TMEM230: variants seen among roughly 807,000 people sequenced by gnomAD.
The protein encoded by TMEM230 is transmembrane protein 230.
In TMEM230, 10 loss-of-function variants were observed where a neutral mutation model predicts 15.8. The observed-to-expected ratio is 0.63, with a 90% CI of 0.39 to 1.07. The LOEUF is 1.07. Ranked by LOEUF, TMEM230 falls within the 50% of genes least tolerant of loss-of-function variation. TMEM230 has a pLI of 0.01. For missense variants in TMEM230, 165 were observed against 193.3 expected, an observed-to-expected ratio of 0.85 and a Z score of 0.87; for synonymous variants, 67 against 76.9, an observed-to-expected ratio of 0.87 and a Z score of 0.68.
At chr20:5,072,170 C>T (rs1418947169) in intron 3 of TMEM230, among the ~76,000 whole-genome samples, 1 of 152,168 alleles carries the variant, frequency 6.6e-6, no homozygotes, top group African/African-American at 2.4e-5. Flanking sequence ...CCCACCTCAG[C>T]CGGCTGAGTA....
chr20:5,098,665 C>A (rs2089737469), downstream of TMEM230, among the ~76,000 whole-genome samples: 1 of 152,102 alleles, frequency 6.6e-6, no homozygotes, highest in Admixed American at 6.6e-5. Context: ...GAGATTCCTA[C>A]CCCAGGTAGG....
chr20:5,108,287 C>T (rs541523137), intron 3 of TMEM230, among the ~76,000 whole-genome samples: 19 of 151,926 alleles, frequency 1.3e-4, no homozygotes, highest in African/African-American at 4.1e-4. Context: ...GGCGTGGTGG[C>T]GCATGCCCGT....
chr20:5,080,517 T>A (rs1047166946), intron 3 of TMEM230, among the ~76,000 whole-genome samples: 3 of 152,068 alleles, frequency 2.0e-5, no homozygotes, highest in Non-Finnish European at 2.9e-5. Flanking sequence ...CACAGCAGAA[T>A]GTAGAAAAAG....
rs2090388954 is a variant in TMEM230, at chr20:5,112,968, C to T, written c.61G>A (p.Ala21Thr). ...GCCGCACACACGCCTTACCGGAGCGCCGCGCCAGGCCGCCCGCACACCCAG... is the reference window on the plus strand; with the variant it reads ...GCCGCACACACGCCTTACCGGAGCGTCGCGCCAGGCCGCCCGCACACCCAG... The change falls in exon 1 of 5, where the codon GCG becomes ACG. Residue 21 changes from alanine (A) to threonine (T), a missense_variant. Ala to Thr is a moderately conservative substitution (Grantham distance 58). Coordinates refer to ENST00000342308, the MANE Select transcript of TMEM230 (RefSeq NM_001009923.2). 1.9e-6 allele frequency: 3 copies of T among 1,550,308 alleles called. No individual in the cohort carries two copies. The highest frequency in any genetic ancestry group is 2.6e-6 in the Non-Finnish European group (3 of 1,147,062).
intron 4 of TMEM230, among the ~76,000 whole-genome samples, chr20:5,104,486 T>C (rs901892479): frequency 6.6e-6 from 1 of 152,114 alleles, no homozygotes; most frequent in African/African-American, 2.4e-5. Context: ...CAGTATGAAA[T>C]AGAACTACCA....
intron 3 of TMEM230, among the ~76,000 whole-genome samples, chr20:5,082,259 G>A (rs1038510119): frequency 2.1e-5 from 3 of 142,356 alleles, no homozygotes; most frequent in Admixed American, 1.4e-4. Flanking sequence ...TCTCTTTTTC[G>A]AGACAGGGTC....
chr20:5,103,091 T>C (rs1317086550), intron 4 of TMEM230, among the ~76,000 whole-genome samples: 1 of 152,166 alleles, frequency 6.6e-6, no homozygotes, highest in East Asian at 1.9e-4. Context: ...CCACCGGGTG[T>C]GGTGGCTCAC....
At position 5,100,627 on chromosome 20, in the gene TMEM230, G is replaced by A; in HGVS notation, c.*164C>T. The A allele has an allele frequency of 7.0e-7, 1 of 1,427,962 alleles. No individual in the cohort carries two copies. The highest frequency in any genetic ancestry group is 9.1e-7 in the Non-Finnish European group (1 of 1,093,536). The allele number at this position is 1,427,962 out of a possible 1,614,324, so 88.5% of individuals were successfully genotyped here. ...TAGAGCTTGTCCTAATTAGCTAACT[G>A]TAGGTTCACTTAACATCTTTGGGAA... On this transcript the variant is annotated 3_prime_UTR_variant, in exon 5 of 5. Coordinates refer to ENST00000342308, the MANE Select transcript of TMEM230 (RefSeq NM_001009923.2).
intron 3 of TMEM230, among the ~76,000 whole-genome samples, chr20:5,092,898 G>A (rs1224571448): frequency 2.0e-5 from 3 of 152,116 alleles, no homozygotes; most frequent in South Asian, 2.1e-4. Flanking sequence ...TGACAAATTC[G>A]CAGTGAACAT....
downstream of TMEM230, among the ~76,000 whole-genome samples, chr20:5,099,166 G>C (rs896658664): frequency 2.0e-4 from 30 of 150,956 alleles, no homozygotes; most frequent in African/African-American, 7.3e-4. Flanking sequence ...ACTCCAGCCT[G>C]GGCAGTAGAG....
intron 3 of TMEM230, among the ~76,000 whole-genome samples, chr20:5,108,737 A>C (rs1356853098): frequency 6.6e-6 from 1 of 152,204 alleles, no homozygotes; most frequent in East Asian, 1.9e-4. Context: ...TGTAAGGGGA[A>C]GTGTGCAAAA....
downstream of TMEM230, among the ~76,000 whole-genome samples, chr20:5,066,987 C>T (rs891135971): frequency 4.6e-5 from 7 of 152,022 alleles, no homozygotes; most frequent in Non-Finnish European, 8.8e-5. Context: ...CTTGGGTTTA[C>T]GTAAAAGTAG....
At chr20:5,092,900 A>G (rs930448374) in intron 3 of TMEM230, among the ~76,000 whole-genome samples, 7 of 152,214 alleles carry the variant, frequency 4.6e-5, no homozygotes, top group African/African-American at 1.7e-4. Context: ...ACAAATTCGC[A>G]GTGAACATAC....
At chr20:5,096,874 T>C (rs1204750292), downstream of TMEM230, among the ~76,000 whole-genome samples, 1 of 152,136 alleles carries the variant, frequency 6.6e-6, no homozygotes, top group Non-Finnish European at 1.5e-5. Flanking sequence ...CTAGGCTTTG[T>C]GGGAGGGTTT....
chr20:5,069,598 G>A (rs112858911), intron 3 of TMEM230, among the ~76,000 whole-genome samples: 5,085 of 152,162 alleles, frequency 0.033, 239 homozygotes, highest in African/African-American at 0.11. Context: ...TTCCCTCCCC[G>A]TAGATGAATG....
At chr20:5,094,704 C>CAAAAAAAAAAAAAAAAA (rs774664710) in intron 3 of TMEM230, among the ~76,000 whole-genome samples, 1 of 61,618 alleles carries the variant, frequency 1.6e-5, no homozygotes, top group African/African-American at 7.0e-5. Flanking sequence ...GACTCCATCT[C>CAAAAAAAAAAAAAAAAA]AAAAAAAAAA....
downstream of TMEM230, among the ~76,000 whole-genome samples, chr20:5,063,277 A>ATTTTTTTTT (rs1165126313): frequency 3.8e-4 from 33 of 86,410 alleles, 3 homozygotes; most frequent in East Asian, 8.7e-4. Context: ...GCTGCTATGA[A>ATTTTTTTTT]TTTTTTTTTT....
intron 3 of TMEM230, among the ~76,000 whole-genome samples, chr20:5,083,689 T>C (rs1288953743): frequency 6.6e-6 from 1 of 152,214 alleles, no homozygotes; most frequent in South Asian, 2.1e-4. Flanking sequence ...GGCTTTGATA[T>C]AAGCATTCTA....
intron 3 of TMEM230, among the ~76,000 whole-genome samples, chr20:5,089,606 C>G (rs896943466): frequency 6.6e-6 from 1 of 151,928 alleles, no homozygotes; most frequent in African/African-American, 2.4e-5. Flanking sequence ...GAGGCTTAGG[C>G]AGGAGAATTG....
Sources: allele counts gnomAD v4.1 joint callset (sites outside exome capture counted in the v4.1 genomes callset), GRCh38; gene constraint gnomAD v4.1.1; transcripts MANE v1.5; gene names NCBI Gene and HGNC (gene_info 2026-07-23, HGNC 2026-07-21).